Variants in STAU2 observed in about 807,000 individuals in gnomAD.
STAU2 encodes staufen double-stranded RNA binding protein 2, also known as double-stranded RNA-binding protein Staufen homolog 2.
A neutral mutation model predicts 65.9 loss-of-function variants in STAU2; 20 were observed. The ratio of observed to expected loss-of-function variants is 0.30; its 90% confidence interval spans 0.21 to 0.44. The LOEUF (loss-of-function observed/expected upper bound fraction) is 0.44, where lower values mean the gene tolerates loss of function less well. STAU2 is among the 20% of genes least tolerant of loss of function. The probability of loss-of-function intolerance (pLI) is 1.00; values close to 1 mark genes in which losing one functional copy is unlikely to be tolerated. For synonymous variants in STAU2, 232 were observed against 233.9 expected, an observed-to-expected ratio of 0.99 and a Z score of 0.07; for missense variants, 558 against 683.9, an observed-to-expected ratio of 0.82 and a Z score of 2.05.
chr8:73,538,589 T>A (rs1323300675), intron 13 of STAU2, among the ~76,000 whole-genome samples: 1 of 150,592 alleles, frequency 6.6e-6, no homozygotes, highest in Non-Finnish European at 1.5e-5. Context: ...ACAGAAAAAA[T>A]TTCTAGTATA....
At chr8:73,713,069 T>C (rs989531622) in intron 3 of STAU2, among the ~76,000 whole-genome samples, 8 of 152,238 alleles carry the variant, frequency 5.3e-5, no homozygotes, top group Non-Finnish European at 1.2e-4. Context: ...ATATAAATTA[T>C]ATTAAAGGTT....
chr8:73,517,125 T>C (rs1165876634), intron 13 of STAU2, among the ~76,000 whole-genome samples: 1 of 152,062 alleles, frequency 6.6e-6, no homozygotes, highest in Non-Finnish European at 1.5e-5. Context: ...GAATTTAAAA[T>C]GAAGAAACTG....
At chr8:73,548,506 A>G (rs1379661968) in intron 13 of STAU2, among the ~76,000 whole-genome samples, 1 of 152,122 alleles carries the variant, frequency 6.6e-6, no homozygotes, top group East Asian at 1.9e-4. Context: ...ATTAAACTCC[A>G]CAAAAGGAGG....
At chr8:73,729,734 CTG>C (rs1339417923) in intron 3 of STAU2, among the ~76,000 whole-genome samples, 2 of 152,080 alleles carry the variant, frequency 1.3e-5, no homozygotes, top group Non-Finnish European at 2.9e-5. Context: ...ACTTGTAAGT[CTG>C]TTATATTTTC....
rs573910302 is a variant in STAU2 at position 73,709,283 on chromosome 8, A to G, written c.-17-121T>C. ...ATTATTTTCATGAATTTTGTATTTT[A>G]AAAATTCAAATTACCTAATGTCTTC... On this transcript the variant is annotated intron_variant, in intron 3 of 14. Coordinates refer to ENST00000524300, the MANE Select transcript of STAU2 (RefSeq NM_001164380.2). 31 of 905,198 alleles carry G rather than the reference A, an allele frequency of 3.4e-5. No individual in the cohort carries two copies. In the East Asian group the frequency reaches 7.0e-4, roughly 20 times the overall value. The allele number at this position is 905,198 out of a possible 1,614,324, so 56.1% of individuals were successfully genotyped here.
At chr8:73,539,997 G>GA (rs1211245692) in intron 13 of STAU2, among the ~76,000 whole-genome samples, 1 of 151,708 alleles carries the variant, frequency 6.6e-6, no homozygotes, top group Non-Finnish European at 1.5e-5. Flanking sequence ...ATTATTTAGG[G>GA]AAAAAAATGG....
rs1467843491 is a variant in STAU2 at position 73,613,912 on chromosome 8, A to G, written c.723T>C (p.Thr241=). ...SGPPHMKSFV[T]RVSVGEFSAE... The stretch of plus-strand genomic sequence containing the variant: ...CAGAGAACTCTCCTACTGACACTCG[A>G]GTAACAAAGCTTTTCATATGTGGTG... The change falls in exon 9 of 15, where the codon ACT becomes ACC. Residue 241 remains threonine, a synonymous_variant. Transcript: ENST00000524300. 1 of 1,613,296 alleles carries G rather than the reference A, an allele frequency of 6.2e-7. No homozygotes were observed.
intron 10 of STAU2, among the ~76,000 whole-genome samples, chr8:73,597,887 C>T (rs2129647918): frequency 6.6e-6 from 1 of 152,258 alleles, no homozygotes; most frequent in East Asian, 1.9e-4. Flanking sequence ...TAAAGTTCTA[C>T]TCAATATTTA....
At position 73,734,012 on chromosome 8, in the gene STAU2, G is replaced by A. The variant is rs192897186; in HGVS notation, c.-18+4272C>T. Among the ~76,000 whole-genome samples, 18 of 152,028 alleles carry A rather than the reference G, an allele frequency of 1.2e-4. No individual in the cohort carries two copies. The East Asian group carries it at 3.1e-3, about 26-fold the overall frequency. On this transcript the variant is annotated intron_variant, in intron 3 of 14. Transcript: ENST00000524300. ...AAAATCTGTCCAACAATAAGGGCTT[G>A]GTTAAATTTTAGTACATCCAAACTA...
intron 12 of STAU2, among the ~76,000 whole-genome samples, chr8:73,582,015 T>C (rs1296801048): frequency 6.6e-6 from 1 of 152,180 alleles, no homozygotes; most frequent in African/African-American, 2.4e-5. Flanking sequence ...ATGTTTTGAT[T>C]CACTGATTTA....
Position 73,466,354 on chromosome 8 carries a change from TA to T in STAU2, c.1531-43653del, listed in dbSNP as rs1819652497. 1.3e-5 allele frequency among the ~76,000 whole-genome samples: 2 copies of T among 152,136 alleles called. 1 individual carries two copies. Among genetic ancestry groups the T allele is most frequent in the South Asian group, 4.1e-4 (2 of 4,826 alleles). On this transcript the variant is annotated intron_variant, in intron 13 of 14. Transcript: ENST00000524300. ...AAAAAATAATCCCTGGTGTTTGTAA[TA>T]AAATTCCTCTAGAGGAGAGGTGAAA...
chr8:73,736,298 A>G (rs1446265700), intron 3 of STAU2, among the ~76,000 whole-genome samples: 1 of 152,198 alleles, frequency 6.6e-6, no homozygotes, highest in African/African-American at 2.4e-5. Context: ...AGCACCATTC[A>G]TATATTCATA....
rs557486203 is a variant in STAU2 at position 73,447,565 on chromosome 8, A to G, written c.1531-24863T>C. Among the ~76,000 whole-genome samples the G allele has an allele frequency of 3.3e-3, 498 of 152,364 alleles. 5 individuals carry two copies. The highest frequency in any genetic ancestry group is 0.011 in the African/African-American group (469 of 41,598). On this transcript the variant is annotated intron_variant, in intron 13 of 14. Coordinates refer to ENST00000524300, the MANE Select transcript of STAU2 (RefSeq NM_001164380.2). ...ACTACATCTATAAGACAAATATATG[A>G]TTTTGATAGATAATGTCAAATTGCT...
chr8:73,567,896 T>C (rs1427410331), intron 12 of STAU2, among the ~76,000 whole-genome samples: 1 of 151,988 alleles, frequency 6.6e-6, no homozygotes, highest in Admixed American at 6.6e-5. Flanking sequence ...TTATCTTAAA[T>C]ATGGACTCGT....
intron 12 of STAU2, among the ~76,000 whole-genome samples, chr8:73,569,317 G>A (rs894684728): frequency 5.3e-5 from 8 of 152,200 alleles, no homozygotes; most frequent in South Asian, 2.1e-4. Context: ...CGGGAAGCTC[G>A]AACTGGGTGG....
intron 13 of STAU2, among the ~76,000 whole-genome samples, chr8:73,455,981 G>C (rs1369527018): frequency 6.6e-6 from 1 of 152,172 alleles, no homozygotes; most frequent in African/African-American, 2.4e-5. Flanking sequence ...TTCACTGGCT[G>C]TTTTTAGAGT....
At chr8:73,701,352 G>C (rs1820088877) in intron 4 of STAU2, among the ~76,000 whole-genome samples, 1 of 152,108 alleles carries the variant, frequency 6.6e-6, no homozygotes, top group South Asian at 2.1e-4. Flanking sequence ...CACAGAATGG[G>C]AGAGAAATAT....
intron 13 of STAU2, among the ~76,000 whole-genome samples, chr8:73,549,023 A>G (rs1379348628): frequency 6.6e-6 from 1 of 152,218 alleles, no homozygotes; most frequent in East Asian, 1.9e-4. Flanking sequence ...CTTCAGCTCA[A>G]ATGCACAGCA....
At chr8:73,695,760 C>T (rs1819654924) in intron 4 of STAU2, among the ~76,000 whole-genome samples, 1 of 152,020 alleles carries the variant, frequency 6.6e-6, no homozygotes, top group Non-Finnish European at 1.5e-5. Flanking sequence ...GTGTTGGTGG[C>T]CACACAAGGA....
Sources: gnomAD v4.1 joint callset for allele counts (sites outside exome capture counted in the v4.1 genomes callset) on GRCh38, gnomAD v4.1.1 for gene constraint, MANE v1.5 for transcripts, NCBI Gene and HGNC (gene_info 2026-07-23, HGNC 2026-07-21) for gene names.